The following WARS2 variants were observed in gnomAD, a reference collection of about 807,000 sequenced individuals.
The protein encoded by WARS2 is tryptophan--tRNA ligase, mitochondrial.
Under a neutral mutation model 36.5 loss-of-function variants are expected in WARS2, and 28 were observed. That is an observed-to-expected ratio of 0.77 (90% confidence interval 0.57 to 1.05). The LOEUF (loss-of-function observed/expected upper bound fraction) is 1.05, where lower values mean the gene tolerates loss of function less well. Among genes scored for constraint, WARS2 ranks in the 50% least tolerant of loss-of-function variants. WARS2 has a pLI of 0.00. For synonymous variants in WARS2, 174 were observed against 178.4 expected (o/e 0.98, Z 0.20); for missense variants, 435 against 456.8 (o/e 0.95, Z 0.44).
At chr1:119,063,569 G>C (rs1650571611) in intron 2 of WARS2, 1 of 152,226 alleles carries the variant, frequency 6.6e-6, no homozygotes, top group East Asian at 1.9e-4. Context: ...GGAAAAAGTG[G>C]TTTTGTGGGC....
chr1:119,045,446 A>C, intron 3 of WARS2, 136 bp downstream of exon 3: 1 of 683,416 alleles, frequency 1.5e-6, no homozygotes. Context: ...ACCCTGAAGC[A>C]GGGAGGTTAA....
rs913049989 is a variant in WARS2 at position 119,044,636 on chromosome 1, A to G, written c.429+946T>C. 6.6e-5 allele frequency among the ~76,000 whole-genome samples: 10 copies of G among 152,198 alleles called. 1 individual carries two copies. The highest frequency in any genetic ancestry group is 2.4e-4 in the African/African-American group (10 of 41,454). On this transcript the variant is annotated intron_variant, in intron 3 of 5. Transcript: ENST00000235521. ...GCTGGGAAGTCCAAGATTAAGGCAA[A>G]GTCAGTGTCTGGTGAGGAACCTTGT...
At chr1:119,085,594 A>C (rs1652588720) in intron 1 of WARS2, 4 of 1,544,716 alleles carry the variant, frequency 2.6e-6, no homozygotes, top group South Asian at 2.2e-5. Context: ...ATTTCTTCTG[A>C]GTCCTTAGGA....
chr1:119,058,307 CTTTT>C (rs56404141), intron 2 of WARS2, among the ~76,000 whole-genome samples: 1 of 128,092 alleles, frequency 7.8e-6, no homozygotes, highest in Non-Finnish European at 1.6e-5. Context: ...TTCCCTATTT[CTTTT>C]TTTTTTTTTT....
At chr1:119,086,864 C>T (rs2101383144) in intron 1 of WARS2, among the ~76,000 whole-genome samples, 1 of 152,288 alleles carries the variant, frequency 6.6e-6, no homozygotes, top group African/African-American at 2.4e-5. Flanking sequence ...ACTCAGCTGA[C>T]TACTTGCCTT....
At chr1:119,043,592 A>T (rs1261166866) in intron 3 of WARS2, among the ~76,000 whole-genome samples, 10 of 152,212 alleles carry the variant, frequency 6.6e-5, no homozygotes, top group Admixed American at 6.5e-4. Flanking sequence ...TGAACATACA[A>T]TTTCTTCACT....
intron 4 of WARS2, among the ~76,000 whole-genome samples, chr1:119,035,298 C>T (rs748422142): frequency 6.6e-6 from 1 of 151,960 alleles, no homozygotes; most frequent in African/African-American, 2.4e-5. Flanking sequence ...TAATACAGTG[C>T]GCTGAGGTTT....
chr1:119,132,987 C>T (rs1656227335), intron 1 of WARS2, among the ~76,000 whole-genome samples: 1 of 152,194 alleles, frequency 6.6e-6, no homozygotes, highest in African/African-American at 2.4e-5. Flanking sequence ...GAAGAAAGCA[C>T]TCTAGCCATA....
chr1:119,102,694 C>G (rs1653959697), intron 1 of WARS2, among the ~76,000 whole-genome samples: 2 of 152,150 alleles, frequency 1.3e-5, no homozygotes, highest in African/African-American at 4.8e-5. Context: ...TACCTGCCAC[C>G]ACCACTTTAA....
intron 4 of WARS2, among the ~76,000 whole-genome samples, chr1:119,036,810 A>T (rs964780962): frequency 2.0e-5 from 3 of 152,308 alleles, no homozygotes; most frequent in African/African-American, 7.2e-5. Context: ...AAAAGGATTT[A>T]AAAAATTTTA....
rs185576264 is a variant in WARS2 at position 119,081,804 on chromosome 1, G to A, written c.91-5197C>T. On this transcript the variant is annotated intron_variant, in intron 1 of 5. Transcript: ENST00000235521. ...TGAAAATGCCTCTATTGGCAATTAA[G>A]GATTGAAGAGCTGAAACAGAGAAGA... Among the ~76,000 whole-genome samples the A allele has an allele frequency of 1.5e-3, 223 of 152,200 alleles. 1 individual carries two copies. The highest frequency in any genetic ancestry group is 5.1e-3 in the African/African-American group (210 of 41,540).
At chr1:119,049,162 T>C (rs1018031826) in intron 2 of WARS2, among the ~76,000 whole-genome samples, 1 of 152,036 alleles carries the variant, frequency 6.6e-6, no homozygotes, top group East Asian at 1.9e-4. Flanking sequence ...GGGGAGCACA[T>C]CAGCGGAGGA....
chr1:119,088,955 T>C (rs1652858775), intron 1 of WARS2, among the ~76,000 whole-genome samples: 1 of 152,198 alleles, frequency 6.6e-6, no homozygotes, highest in African/African-American at 2.4e-5. Flanking sequence ...ACTCGAGCAC[T>C]GTAAGTGGGT....
At chr1:119,088,046 C>T (rs1251276513) in intron 1 of WARS2, among the ~76,000 whole-genome samples, 1 of 152,178 alleles carries the variant, frequency 6.6e-6, no homozygotes, top group Non-Finnish European at 1.5e-5. Context: ...GCGGCCCGGG[C>T]TTTAACAAGC....
intron 1 of WARS2, among the ~76,000 whole-genome samples, chr1:119,080,650 C>T (rs1048857670): frequency 6.6e-6 from 1 of 152,116 alleles, no homozygotes. Flanking sequence ...TTTATGTTCC[C>T]GTCTGTTCCC....
intron 2 of WARS2, among the ~76,000 whole-genome samples, chr1:119,056,341 C>A (rs570307288): frequency 6.6e-6 from 1 of 151,082 alleles, no homozygotes; most frequent in African/African-American, 2.4e-5. Flanking sequence ...CTGGCCCATA[C>A]CAATTTTTTA....
intron 2 of WARS2, among the ~76,000 whole-genome samples, chr1:119,068,959 G>A (rs1024047403): frequency 1.3e-5 from 2 of 152,132 alleles, no homozygotes; most frequent in African/African-American, 4.8e-5. Flanking sequence ...GCCAGTGGGA[G>A]AGAAAGAAAA....
intron 1 of WARS2, among the ~76,000 whole-genome samples, chr1:119,090,037 CA>C: frequency 6.6e-6 from 1 of 151,586 alleles, no homozygotes; most frequent in Admixed American, 6.6e-5. Flanking sequence ...ACTTAAGTGA[CA>C]GGATGATCTG....
At chr1:119,096,763 A>T (rs1653471095) in intron 1 of WARS2, among the ~76,000 whole-genome samples, 1 of 152,198 alleles carries the variant, frequency 6.6e-6, no homozygotes, top group Non-Finnish European at 1.5e-5. Context: ...TACCCCATAA[A>T]TATGTACAAT....
Sources: gnomAD v4.1 joint callset for allele counts (sites outside exome capture counted in the v4.1 genomes callset) on GRCh38, gnomAD v4.1.1 for gene constraint, MANE v1.5 for transcripts, NCBI Gene and HGNC (gene_info 2026-07-23, HGNC 2026-07-21) for gene names.